The following MYRIP variants were observed in gnomAD, a reference collection of about 807,000 sequenced individuals.
MYRIP encodes the protein rab effector MyRIP.
In MYRIP, 49 loss-of-function variants were observed where a neutral mutation model predicts 98.0. That is an observed-to-expected ratio of 0.50 (90% confidence interval 0.40 to 0.63). MYRIP has a LOEUF of 0.63. MYRIP is among the 30% of genes least tolerant of loss of function. The probability of loss-of-function intolerance (pLI) is 0.00; values close to 1 mark genes in which losing one functional copy is unlikely to be tolerated. For synonymous variants in MYRIP, 404 were observed against 409.5 expected, an observed-to-expected ratio of 0.99 and a Z score of 0.16; for missense variants, 1,004 against 1,058.2, an observed-to-expected ratio of 0.95 and a Z score of 0.71.
At chr3:40,170,618 G>A (rs141682749) in intron 8 of MYRIP, among the ~76,000 whole-genome samples, 93 of 152,334 alleles carry the variant, frequency 6.1e-4, no homozygotes, top group African/African-American at 2.2e-3. Context: ...GTTTGGTGCT[G>A]TTCCTGTCTG....
intron 8 of MYRIP, among the ~76,000 whole-genome samples, chr3:40,176,045 A>G (rs1474102866): frequency 1.3e-5 from 2 of 152,212 alleles, no homozygotes; most frequent in Admixed American, 6.5e-5. Context: ...GCCACAACAT[A>G]AGGACATATT....
intron 12 of MYRIP, chr3:40,238,549 A>G (rs1422234113): frequency 6.6e-6 from 1 of 152,214 alleles, no homozygotes; most frequent in Non-Finnish European, 1.5e-5. Context: ...ACAGGGCAGG[A>G]CTCGGGGGGA....
chr3:40,042,731 C>G (rs1947569000), intron 2 of MYRIP, among the ~76,000 whole-genome samples: 1 of 152,070 alleles, frequency 6.6e-6, no homozygotes, highest in Non-Finnish European at 1.5e-5. Context: ...TAGTAGAATG[C>G]TGTAGTAAAA....
At chr3:39,885,677 T>G (rs192486772) in intron 1 of MYRIP, among the ~76,000 whole-genome samples, 21 of 152,216 alleles carry the variant, frequency 1.4e-4, no homozygotes, top group Admixed American at 9.8e-4. Context: ...CCCATATTTC[T>G]TGGAGGCTTT....
intron 2 of MYRIP, among the ~76,000 whole-genome samples, chr3:39,996,259 C>A (rs1216188514): frequency 3.3e-5 from 5 of 152,102 alleles, no homozygotes; most frequent in South Asian, 4.2e-4. Flanking sequence ...AGAGTCAAGA[C>A]CCATCTGTGT....
chr3:39,821,697 T>C (rs932101979), intron 1 of MYRIP, among the ~76,000 whole-genome samples: 10 of 152,230 alleles, frequency 6.6e-5, no homozygotes, highest in African/African-American at 2.4e-4. Context: ...AATTTTTCAT[T>C]ATAATTTCTT....
intron 4 of MYRIP, among the ~76,000 whole-genome samples, chr3:40,151,542 C>T (rs1950121140): frequency 6.6e-6 from 1 of 152,168 alleles, no homozygotes; most frequent in Non-Finnish European, 1.5e-5. Flanking sequence ...AGAGAGAGTA[C>T]ATCTGTCCCT....
chr3:40,143,963 CATTAA>C lies in MYRIP; in HGVS notation c.333-7083_333-7079del, dbSNP rs953166435. Among the ~76,000 whole-genome samples, 79 of 152,138 alleles carry C rather than the reference CATTAA, an allele frequency of 5.2e-4. 1 individual carries two copies. Among genetic ancestry groups the C allele is most frequent in the Admixed American group, 7.2e-4 (11 of 15,274 alleles). ...AAGCTGAAGCATTCTATTTTAAGTT[CATTAA>C]AATATTTCGGAATGCTATAGAGTTT... On this transcript the variant is annotated intron_variant, in intron 3 of 16. Transcript: ENST00000302541.
At chr3:40,071,573 C>T (rs1024586479) in intron 3 of MYRIP, among the ~76,000 whole-genome samples, 18 of 151,688 alleles carry the variant, frequency 1.2e-4, no homozygotes, top group Non-Finnish European at 2.4e-4. Flanking sequence ...AGGTGTGAGG[C>T]TTTTAGGAAT....
At chr3:39,959,036 G>A (rs1327090220) in intron 2 of MYRIP, among the ~76,000 whole-genome samples, 6 of 152,142 alleles carry the variant, frequency 3.9e-5, no homozygotes, top group Non-Finnish European at 7.3e-5. Context: ...AACAGGTGCT[G>A]GAGAGGATGT....
chr3:40,229,289 G>C (rs1253136845), intron 11 of MYRIP, among the ~76,000 whole-genome samples: 1 of 152,156 alleles, frequency 6.6e-6, no homozygotes, highest in Admixed American at 6.5e-5. Context: ...ACAAGACAGA[G>C]AGATTGCTAA....
At chr3:40,113,206 C>T (rs754332858) in intron 3 of MYRIP, among the ~76,000 whole-genome samples, 9 of 152,182 alleles carry the variant, frequency 5.9e-5, no homozygotes, top group Admixed American at 3.3e-4. Flanking sequence ...TGCAGTGGTG[C>T]GATCTTGGCT....
chr3:40,255,397 G>A (rs1050684663), intron 16 of MYRIP, among the ~76,000 whole-genome samples: 1 of 152,072 alleles, frequency 6.6e-6, no homozygotes, highest in East Asian at 1.9e-4. Flanking sequence ...AACATACTAA[G>A]TGCCACCAAA....
intron 1 of MYRIP, among the ~76,000 whole-genome samples, chr3:39,876,532 G>T (rs1943000988): frequency 6.6e-6 from 1 of 151,988 alleles, no homozygotes; most frequent in Non-Finnish European, 1.5e-5. Flanking sequence ...TTTAGGGCAG[G>T]CCTGGTGGTG....
intron 4 of MYRIP, among the ~76,000 whole-genome samples, chr3:40,158,844 G>T (rs1030230018): frequency 6.7e-5 from 10 of 148,808 alleles, no homozygotes; most frequent in African/African-American, 2.6e-4. Context: ...TTTTCCATTT[G>T]CTTGGTAGAT....
At position 39,883,370 on chromosome 3, in the gene MYRIP, C is replaced by T. The variant is rs538443153; in HGVS notation, c.-30-17417C>T. Reference sequence around the variant, plus strand: ...CACCTGACGGAAACAAACATACATCCTCTCTAGAGGAAAATAACCGTGTAC... The same window carrying T: ...CACCTGACGGAAACAAACATACATCTTCTCTAGAGGAAAATAACCGTGTAC... On this transcript the variant is annotated intron_variant, in intron 1 of 16. Coordinates refer to ENST00000302541, the MANE Select transcript of MYRIP (RefSeq NM_015460.4). Among the ~76,000 whole-genome samples the T allele has an allele frequency of 2.0e-5, 3 of 152,256 alleles. No homozygotes were observed. In the East Asian group the frequency reaches 5.8e-4, roughly 29 times the overall value.
At chr3:39,973,634 T>C (rs1390712536) in intron 2 of MYRIP, among the ~76,000 whole-genome samples, 1 of 152,122 alleles carries the variant, frequency 6.6e-6, no homozygotes, top group African/African-American at 2.4e-5. Flanking sequence ...TATTCCAAAA[T>C]TGGCCACATA....
rs570991412 is a variant in MYRIP at position 40,078,073 on chromosome 3, C to T, written c.332+33802C>T. 2.5e-4 allele frequency among the ~76,000 whole-genome samples: 38 copies of T among 152,380 alleles called. No homozygotes were observed. The South Asian group carries it at 5.4e-3, about 22-fold the overall frequency. On this transcript the variant is annotated intron_variant, in intron 3 of 16. Coordinates refer to ENST00000302541, the MANE Select transcript of MYRIP (RefSeq NM_015460.4). ...GCTGCAGGTCCCGAGCCCTGCCCCG[C>T]GGGAAGGCAGCTAAGGCCCGATGAG...
At chr3:40,243,495 T>TAC (rs143705030) in intron 12 of MYRIP, among the ~76,000 whole-genome samples, 1,999 of 152,296 alleles carry the variant, frequency 0.013, 36 homozygotes, top group African/African-American at 0.043. Flanking sequence ...AGGAAACTGT[T>TAC]AAAGTCTTGG....
Sources: allele counts gnomAD v4.1 joint callset (sites outside exome capture counted in the v4.1 genomes callset), GRCh38; gene constraint gnomAD v4.1.1; transcripts MANE v1.5; gene names NCBI Gene and HGNC (gene_info 2026-07-23, HGNC 2026-07-21).